Variants in DSCAM observed in about 807,000 individuals in gnomAD.
DSCAM encodes the protein DS cell adhesion molecule.
DSCAM carries 47 observed loss-of-function variants against 217.7 expected under a neutral mutation model. The ratio of observed to expected loss-of-function variants is 0.22; its 90% CI spans 0.17 to 0.28. The LOEUF is 0.28. Ranked by LOEUF, DSCAM falls within the 10% of genes least tolerant of loss-of-function variation. The pLI is 1.00. For synonymous variants in DSCAM, 1,056 were observed against 1,015.3 expected, an observed-to-expected ratio of 1.04 and a Z score of -0.76; for missense variants, 2,080 against 2,618.3, an observed-to-expected ratio of 0.79 and a Z score of 4.49.
chr21:40,233,869 T>C (rs1479187188), intron 11 of DSCAM, among the ~76,000 whole-genome samples: 1 of 152,192 alleles, frequency 6.6e-6, no homozygotes, highest in African/African-American at 2.4e-5. Context: ...TAATAGTTCT[T>C]GCATGTTAAG....
chr21:40,550,664 A>G (rs1432985054), intron 3 of DSCAM, among the ~76,000 whole-genome samples: 1 of 152,206 alleles, frequency 6.6e-6, no homozygotes, highest in Non-Finnish European at 1.5e-5. Flanking sequence ...TCTCTAGAGT[A>G]GTAGTAGCTA....
intron 4 of DSCAM, among the ~76,000 whole-genome samples, chr21:40,360,372 G>C (rs1397302521): frequency 6.6e-6 from 1 of 151,902 alleles, no homozygotes; most frequent in Non-Finnish European, 1.5e-5. Context: ...CTGACCTTGT[G>C]ATCCGCCCAT....
intron 11 of DSCAM, among the ~76,000 whole-genome samples, chr21:40,242,910 C>A (rs1348664827): frequency 1.3e-5 from 2 of 152,226 alleles, no homozygotes; most frequent in African/African-American, 4.8e-5. Flanking sequence ...ATTTCCACCT[C>A]ACGTACAGCT....
At chr21:40,492,580 A>G (rs560433312) in intron 3 of DSCAM, among the ~76,000 whole-genome samples, 1 of 152,272 alleles carries the variant, frequency 6.6e-6, no homozygotes, top group East Asian at 1.9e-4. Flanking sequence ...GCTAGAAAAT[A>G]CAATCGAGGA....
Position 40,075,044 on chromosome 21 carries a change from C to A in DSCAM, c.4881G>T (p.Arg1627Ser). The A allele has an allele frequency of 6.2e-7, 1 of 1,614,126 alleles. No homozygotes were observed. The highest frequency in any genetic ancestry group is 8.5e-7 in the Non-Finnish European group (1 of 1,180,002). ...AGCTGGGCCTGGACCTACCTCGCAG[C>A]CTCTTTAGCCTCTGCTCCCGCCGCC... ...RRRRREQRLK[R>S]LRDAKSLAEM... Residue 1627 changes from arginine to serine, a missense_variant, in exon 27 of 33, where the codon AGG becomes AGT. Transcript: ENST00000400454.
intron 11 of DSCAM, among the ~76,000 whole-genome samples, chr21:40,242,897 C>T (rs118047909): frequency 5.3e-5 from 8 of 152,230 alleles, no homozygotes; most frequent in African/African-American, 1.9e-4. Flanking sequence ...TTTCCCACCA[C>T]TCATTTCCAC....
chr21:40,760,691 C>T (rs1385410678), intron 1 of DSCAM, among the ~76,000 whole-genome samples: 1 of 152,236 alleles, frequency 6.6e-6, no homozygotes, highest in African/African-American at 2.4e-5. Context: ...CAAATCTCTC[C>T]TCCTGTGATC....
intron 20 of DSCAM, 150 bp downstream of exon 20, chr21:40,124,045 T>C: frequency 9.8e-7 from 1 of 1,017,840 alleles, no homozygotes; most frequent in Non-Finnish European, 1.5e-6. Flanking sequence ...ATGAGGACTT[T>C]GTTTTGTATG....
chr21:40,444,498 T>A (rs576508283), intron 3 of DSCAM, among the ~76,000 whole-genome samples: 1 of 152,248 alleles, frequency 6.6e-6, no homozygotes, highest in East Asian at 1.9e-4. Context: ...GCATAGCCAA[T>A]ATCCAGCCAC....
At chr21:40,395,287 C>T (rs1275357597) in intron 3 of DSCAM, among the ~76,000 whole-genome samples, 1 of 151,184 alleles carries the variant, frequency 6.6e-6, no homozygotes, top group Non-Finnish European at 1.5e-5. Flanking sequence ...AATTTAAAGA[C>T]AAGAAATTTC....
At chr21:40,378,750 C>A (rs911398596) in intron 3 of DSCAM, among the ~76,000 whole-genome samples, 3 of 151,516 alleles carry the variant, frequency 2.0e-5, no homozygotes, top group African/African-American at 7.3e-5. Context: ...CGCTACCACG[C>A]CCGGCTAATT....
At chr21:40,637,244 T>C (rs868626140) in intron 3 of DSCAM, among the ~76,000 whole-genome samples, 2 of 4,624 alleles carry the variant, frequency 4.3e-4, no homozygotes, top group Non-Finnish European at 5.4e-4. Flanking sequence ...TAAATATAAA[T>C]ATATATATAA....
At chr21:40,725,148 T>C (rs572595758) in intron 1 of DSCAM, among the ~76,000 whole-genome samples, 2 of 152,354 alleles carry the variant, frequency 1.3e-5, no homozygotes, top group African/African-American at 4.8e-5. Context: ...TTCTTTTGGC[T>C]TTCTCCACAA....
At chr21:40,025,622 T>C (rs1274749977) in intron 32 of DSCAM, among the ~76,000 whole-genome samples, 2 of 150,998 alleles carry the variant, frequency 1.3e-5, no homozygotes, top group African/African-American at 4.9e-5. Context: ...GTCGAGGAAT[T>C]TATCCATTTC....
chr21:40,751,304 T>C (rs1050277794), intron 1 of DSCAM, among the ~76,000 whole-genome samples: 9 of 152,172 alleles, frequency 5.9e-5, no homozygotes, highest in Admixed American at 5.2e-4. Context: ...CTAATTACAA[T>C]CTACTAGTCT....
chr21:40,708,517 AAGT>A lies in DSCAM; in HGVS notation c.295_297del (p.Thr99del). On this transcript the variant is annotated inframe_deletion, in exon 2 of 33. Coordinates refer to ENST00000400454, the MANE Select transcript of DSCAM (RefSeq NM_001389.5). ...GAAGGATTTTCAGCTGTGCAATAAT[AAGT>A]ATTATCATGGATTAAGGTACTGAAG... 1 of 1,540,954 alleles carries A rather than the reference AAGT, an allele frequency of 6.5e-7. No homozygotes were observed. The highest frequency in any genetic ancestry group is 8.8e-7 in the Non-Finnish European group (1 of 1,140,218).
chr21:40,639,234 G>A (rs551866948), intron 3 of DSCAM, among the ~76,000 whole-genome samples: 7 of 152,080 alleles, frequency 4.6e-5, no homozygotes, highest in African/African-American at 7.2e-5. Flanking sequence ...TACTGTCTTC[G>A]CAGCTTTTAG....
At chr21:40,505,527 C>T (rs1481333493) in intron 3 of DSCAM, among the ~76,000 whole-genome samples, 1 of 152,048 alleles carries the variant, frequency 6.6e-6, no homozygotes, top group Non-Finnish European at 1.5e-5. Flanking sequence ...CAGCTGGTGG[C>T]TTGCTTAAAC....
chr21:40,811,837 A>C (rs1273712400), intron 1 of DSCAM, among the ~76,000 whole-genome samples: 1 of 152,226 alleles, frequency 6.6e-6, no homozygotes, highest in Non-Finnish European at 1.5e-5. Flanking sequence ...ATGGGGTCCC[A>C]TATGGGATAG....
Sources: gnomAD v4.1 joint callset for allele counts (sites outside exome capture counted in the v4.1 genomes callset) on GRCh38, gnomAD v4.1.1 for gene constraint, MANE v1.5 for transcripts, NCBI Gene and HGNC (gene_info 2026-07-23, HGNC 2026-07-21) for gene names.